Variants in PBX1 observed in about 807,000 individuals in gnomAD.
PBX1 encodes pre-B-cell leukemia transcription factor 1.
In PBX1, 6 loss-of-function variants were observed where a neutral mutation model predicts 53.4. The ratio of observed to expected loss-of-function variants is 0.11; its 90% CI spans 0.06 to 0.22. The LOEUF is 0.22. Among genes scored for constraint, PBX1 ranks in the 10% least tolerant of loss-of-function variants. PBX1 has a pLI of 1.00. For missense variants in PBX1, 251 were observed against 551.4 expected, an observed-to-expected ratio of 0.46 and a Z score of 5.46; for synonymous variants, 204 against 212.3, an observed-to-expected ratio of 0.96 and a Z score of 0.34.
chr1:164,799,866 G>A lies in PBX1; in HGVS notation c.678G>A (p.Leu226=). 2 of 1,612,650 alleles carry A rather than the reference G, an allele frequency of 1.2e-6. No homozygotes were observed. The highest frequency in any genetic ancestry group is 1.7e-6 in the Non-Finnish European group (2 of 1,178,882). The change falls in exon 4 of 9, where the codon CTG becomes CTA. Residue 226 remains leucine, a synonymous_variant. Transcript: ENST00000420696. ...GCACGTGCGAGGCGGTGATGATCCT[G>A]CGTTCCCGATTTCTGGATGCGCGGT... is the stretch of plus-strand genomic sequence containing the variant. ...KQSTCEAVMI[L]RSRFLDARRK... is the part of the protein sequence containing the mutation.
intron 2 of PBX1, among the ~76,000 whole-genome samples, chr1:164,783,976 G>A (rs1166411265): frequency 6.6e-6 from 1 of 152,228 alleles, no homozygotes; most frequent in Non-Finnish European, 1.5e-5. Flanking sequence ...CCATTGTAGA[G>A]AGAAGCTTTC....
At chr1:164,650,311 C>T (rs1426305229) in intron 2 of PBX1, among the ~76,000 whole-genome samples, 1 of 151,756 alleles carries the variant, frequency 6.6e-6, no homozygotes, top group Non-Finnish European at 1.5e-5. Context: ...TTACTGCAGC[C>T]TCCGCCTCCC....
At chr1:164,562,358 A>C (rs375299139) in intron 1 of PBX1, among the ~76,000 whole-genome samples, 1 of 152,164 alleles carries the variant, frequency 6.6e-6, no homozygotes, top group African/African-American at 2.4e-5. Context: ...TGATATGATC[A>C]GTATTTTGTT....
At chr1:164,830,184 A>C (rs866994364) in intron 8 of PBX1, among the ~76,000 whole-genome samples, 2 of 152,192 alleles carry the variant, frequency 1.3e-5, no homozygotes, top group Admixed American at 1.3e-4. Flanking sequence ...TAATTTAAAA[A>C]TTTAGAATAG....
rs1373710949 is a variant in PBX1 at position 164,572,607 on chromosome 1, G to A, written c.265+9296G>A. Among the ~76,000 whole-genome samples the A allele has an allele frequency of 3.3e-5, 5 of 152,258 alleles. No individual in the cohort carries two copies. In the South Asian group the frequency reaches 8.3e-4, roughly 25 times the overall value. ...AATCTAGTGTGACAGAGGGAGCATG[G>A]ACTTTGAGTGAAACCATCCTAGCTT... On this transcript the variant is annotated intron_variant, in intron 2 of 8. Transcript: ENST00000420696.
chr1:164,782,121 G>T (rs1045961499), intron 2 of PBX1, among the ~76,000 whole-genome samples: 2 of 152,146 alleles, frequency 1.3e-5, no homozygotes, highest in African/African-American at 4.8e-5. Flanking sequence ...CTGGTGGGCT[G>T]GTCTCCAGGG....
chr1:164,773,236 A>AACACAC (rs1193168258), intron 2 of PBX1, among the ~76,000 whole-genome samples: 14 of 48,006 alleles, frequency 2.9e-4, no homozygotes, highest in African/African-American at 1.4e-3. Flanking sequence ...GCATATAGGT[A>AACACAC]ACACGCGCAC....
chr1:164,810,349 A>G (rs968532881), intron 5 of PBX1, among the ~76,000 whole-genome samples: 10 of 152,196 alleles, frequency 6.6e-5, no homozygotes, highest in African/African-American at 2.4e-4. Context: ...TACATTGTCC[A>G]GATCATTGTC....
In PBX1 at chr1:164,850,183, T is replaced by G. The variant is rs1272795753; in HGVS notation, c.*3507T>G. 1 of 227,486 alleles carries G rather than the reference T, an allele frequency of 4.4e-6. No homozygotes were observed. The highest frequency in any genetic ancestry group is 6.3e-5 in the East Asian group (1 of 15,882). The allele number at this position is 227,486 out of a possible 1,614,324, so 14.1% of individuals were successfully genotyped here. A position where few individuals can be genotyped will look rare whatever the true frequency, so the allele number is the denominator to read the frequency against. ...AATGCGCATCATTCCTGCATTAGTTTTTAACACCAGACTACCTACATTCAT... is the reference window on the plus strand; with the variant it reads ...AATGCGCATCATTCCTGCATTAGTTGTTAACACCAGACTACCTACATTCAT... On this transcript the variant is annotated 3_prime_UTR_variant, in exon 9 of 9. Coordinates refer to ENST00000420696, the MANE Select transcript of PBX1 (RefSeq NM_002585.4).
intron 2 of PBX1, among the ~76,000 whole-genome samples, chr1:164,708,422 G>T (rs1057295553): frequency 3.3e-5 from 5 of 152,046 alleles, no homozygotes; most frequent in Non-Finnish European, 5.9e-5. Context: ...TAGTTTCAGG[G>T]GGGTACATAT....
chr1:164,572,760 A>G (rs1256162209), intron 2 of PBX1, among the ~76,000 whole-genome samples: 5 of 152,234 alleles, frequency 3.3e-5, no homozygotes, highest in East Asian at 1.9e-4. Context: ...ACATAGTTCA[A>G]TGAGTATGCT....
intron 6 of PBX1, among the ~76,000 whole-genome samples, chr1:164,812,458 A>G (rs1398875520): frequency 6.6e-6 from 1 of 152,222 alleles, no homozygotes; most frequent in Non-Finnish European, 1.5e-5. Flanking sequence ...TCAATAAGTA[A>G]GTTAGACATA....
intron 2 of PBX1, among the ~76,000 whole-genome samples, chr1:164,755,149 AGGCTGT>A (rs1263421251): frequency 2.0e-5 from 3 of 152,162 alleles, no homozygotes; most frequent in Non-Finnish European, 4.4e-5. Context: ...GGAAGAATCT[AGGCTGT>A]GAACTAGACA....
chr1:164,571,206 C>A (rs548275011), intron 2 of PBX1, among the ~76,000 whole-genome samples: 8 of 152,262 alleles, frequency 5.3e-5, no homozygotes, highest in African/African-American at 1.9e-4. Context: ...GAAATTCACC[C>A]ATTTAAATGA....
intron 2 of PBX1, among the ~76,000 whole-genome samples, chr1:164,675,982 T>G (rs1433945343): frequency 6.6e-6 from 1 of 152,194 alleles, no homozygotes; most frequent in Non-Finnish European, 1.5e-5. Context: ...CATGCCTTGC[T>G]GTTAGGGCTA....
At chr1:164,804,107 T>A (rs1669218336) in intron 4 of PBX1, among the ~76,000 whole-genome samples, 1 of 152,172 alleles carries the variant, frequency 6.6e-6, no homozygotes, top group South Asian at 2.1e-4. Flanking sequence ...ATCTGTGGTT[T>A]AGAAAGATTA....
intron 2 of PBX1, among the ~76,000 whole-genome samples, chr1:164,658,117 A>G (rs182362749): frequency 1.3e-4 from 19 of 151,636 alleles, no homozygotes; most frequent in Non-Finnish European, 1.5e-5. Context: ...CTCTTAACTC[A>G]TAATGGCATT....
In PBX1 at chr1:164,733,783, A is replaced by G. The variant is rs1665126452; in HGVS notation, c.266-58711A>G. On this transcript the variant is annotated intron_variant, in intron 2 of 8. Coordinates refer to ENST00000420696, the MANE Select transcript of PBX1 (RefSeq NM_002585.4). ...TTTAATAAAAATGTTTAACAGTCTT[A>G]TATTTGAATTAATTATAAGATTTTT... Among the ~76,000 whole-genome samples the G allele has an allele frequency of 2.0e-5, 3 of 152,328 alleles. No individual in the cohort carries two copies. The South Asian group carries it at 6.2e-4, about 32-fold the overall frequency.
At chr1:164,561,561 A>T (rs1262514765) in intron 1 of PBX1, among the ~76,000 whole-genome samples, 1 of 152,356 alleles carries the variant, frequency 6.6e-6, no homozygotes, top group South Asian at 2.1e-4. Flanking sequence ...ATTTTTCTCT[A>T]TTATATTGTT....
Sources: allele counts gnomAD v4.1 joint callset (sites outside exome capture counted in the v4.1 genomes callset), GRCh38; gene constraint gnomAD v4.1.1; transcripts MANE v1.5; gene names NCBI Gene and HGNC (gene_info 2026-07-23, HGNC 2026-07-21).